The following FHIT variants were observed in gnomAD, a reference collection of about 807,000 sequenced individuals.
FHIT encodes the protein fragile histidine triad diadenosine triphosphatase.
Under a neutral mutation model 17.9 loss-of-function variants are expected in FHIT, and 19 were observed. The ratio of observed to expected loss-of-function variants is 1.06; its 90% confidence interval spans 0.74 to 1.56. FHIT has a LOEUF of 1.56. FHIT is among the 40% of genes most tolerant of loss of function. The pLI is 0.00. For synonymous variants in FHIT, 81 were observed against 69.7 expected, an observed-to-expected ratio of 1.16 and a Z score of -0.81; for missense variants, 248 against 189.2, an observed-to-expected ratio of 1.31 and a Z score of -1.82.
rs1186858766 is a variant in FHIT at position 60,171,205 on chromosome 3, T to A, written c.104-157053A>T. Among the ~76,000 whole-genome samples, 6 of 152,344 alleles carry A rather than the reference T, an allele frequency of 3.9e-5. No homozygotes were observed. In the South Asian group the frequency reaches 1.2e-3, roughly 32 times the overall value. Reference sequence around the variant, plus strand: ...GGGATGCTATTTTTTTTTAAATACCTTCTTTCCTTCAGCTAATGTAAAACA... The same window carrying A: ...GGGATGCTATTTTTTTTTAAATACCATCTTTCCTTCAGCTAATGTAAAACA... On this transcript the variant is annotated intron_variant, in intron 5 of 9. Coordinates refer to ENST00000492590, the MANE Select transcript of FHIT (RefSeq NM_002012.4).
intron 5 of FHIT, among the ~76,000 whole-genome samples, chr3:60,266,611 T>G (rs1208318753): frequency 6.6e-6 from 1 of 151,994 alleles, no homozygotes; most frequent in East Asian, 1.9e-4. Context: ...TAAGGAGGAG[T>G]TAGATCCTCA....
intron 7 of FHIT, among the ~76,000 whole-genome samples, chr3:59,975,809 C>T (rs1016586486): frequency 2.6e-5 from 4 of 152,002 alleles, no homozygotes; most frequent in Non-Finnish European, 5.9e-5. Flanking sequence ...GAACTGGCAA[C>T]GAACTGTAGT....
chr3:60,104,004 G>A (rs1044829204), intron 5 of FHIT, among the ~76,000 whole-genome samples: 4 of 152,038 alleles, frequency 2.6e-5, no homozygotes, highest in African/African-American at 7.2e-5. Context: ...TATCAGATAT[G>A]GGCTCATATT....
intron 5 of FHIT, among the ~76,000 whole-genome samples, chr3:60,159,494 G>A (rs1009324961): frequency 6.6e-6 from 1 of 152,074 alleles, no homozygotes; most frequent in Non-Finnish European, 1.5e-5. Context: ...TTTTCGTATG[G>A]TTTAAATTAA....
At chr3:60,306,753 G>T (rs1468001033) in intron 5 of FHIT, among the ~76,000 whole-genome samples, 1 of 152,084 alleles carries the variant, frequency 6.6e-6, no homozygotes, top group Non-Finnish European at 1.5e-5. Context: ...CACATTACAT[G>T]ATTTTACAAA....
chr3:59,853,093 C>T (rs1449563630), intron 8 of FHIT, among the ~76,000 whole-genome samples: 3 of 152,140 alleles, frequency 2.0e-5, no homozygotes, highest in African/African-American at 4.8e-5. Flanking sequence ...TGTAAGAAAT[C>T]GCCAAACTGT....
chr3:59,791,599 G>A (rs1699564391), intron 8 of FHIT, among the ~76,000 whole-genome samples: 2 of 152,118 alleles, frequency 1.3e-5, no homozygotes, highest in African/African-American at 4.8e-5. Flanking sequence ...CTTGCAAAGG[G>A]TCTCTAATTT....
chr3:59,924,184 G>A (rs958020572), intron 7 of FHIT, among the ~76,000 whole-genome samples: 18 of 152,126 alleles, frequency 1.2e-4, no homozygotes, highest in Admixed American at 1.0e-3. Context: ...GGAAAATAAC[G>A]TAGAACAAGG....
chr3:60,713,544 G>GA (rs1423082681), intron 4 of FHIT, among the ~76,000 whole-genome samples: 1 of 150,382 alleles, frequency 6.6e-6, no homozygotes, highest in Non-Finnish European at 1.5e-5. Flanking sequence ...GACTAATAAA[G>GA]AAAAAAAGAG....
At chr3:60,145,436 C>T (rs916488930) in intron 5 of FHIT, among the ~76,000 whole-genome samples, 2 of 152,102 alleles carry the variant, frequency 1.3e-5, no homozygotes, top group African/African-American at 4.8e-5. Context: ...AATTCAAACC[C>T]AGTGTATGCT....
chr3:61,189,228 G>A (rs1025340348), intron 2 of FHIT, among the ~76,000 whole-genome samples: 3 of 152,054 alleles, frequency 2.0e-5, no homozygotes, highest in Non-Finnish European at 2.9e-5. Context: ...AGGTAACTTC[G>A]GCTAAGTCTC....
intron 5 of FHIT, among the ~76,000 whole-genome samples, chr3:60,240,826 A>C (rs1705088728): frequency 6.6e-6 from 1 of 152,168 alleles, no homozygotes; most frequent in Non-Finnish European, 1.5e-5. Context: ...AGCAACCCTC[A>C]GATCCAAGAG....
intron 2 of FHIT, among the ~76,000 whole-genome samples, chr3:61,072,747 A>C (rs1242220855): frequency 1.3e-5 from 2 of 152,170 alleles, no homozygotes; most frequent in African/African-American, 4.8e-5. Flanking sequence ...ATCTGAAAGG[A>C]TCGTAAGTGA....
At chr3:60,698,968 C>A (rs1040291229) in intron 4 of FHIT, among the ~76,000 whole-genome samples, 9 of 152,114 alleles carry the variant, frequency 5.9e-5, no homozygotes, top group African/African-American at 7.2e-5. Context: ...AAGCGTATCA[C>A]AAAATTAGAT....
Position 59,808,653 on chromosome 3 carries a change from C to T in FHIT, c.349-56332G>A, listed in dbSNP as rs1428288267. ...CCTGAACATACAGCTTTCTGCTGAG[C>T]TGATCTGGAGTTTCAGTTGGCCGTT... On this transcript the variant is annotated intron_variant, in intron 8 of 9. Transcript: ENST00000492590. Among the ~76,000 whole-genome samples the T allele has an allele frequency of 3.9e-5, 6 of 152,316 alleles. No individual in the cohort carries two copies. The East Asian group carries it at 9.6e-4, about 24-fold the overall frequency.
chr3:59,888,151 T>G (rs1161420259), intron 8 of FHIT, among the ~76,000 whole-genome samples: 1 of 152,186 alleles, frequency 6.6e-6, no homozygotes, highest in Non-Finnish European at 1.5e-5. Context: ...AGGAGTATGC[T>G]TTCTTTAACA....
At chr3:59,875,596 T>C (rs971617647) in intron 8 of FHIT, among the ~76,000 whole-genome samples, 2 of 152,242 alleles carry the variant, frequency 1.3e-5, no homozygotes, top group Non-Finnish European at 2.9e-5. Context: ...CTAGATATCT[T>C]TGCTTACAAG....
intron 5 of FHIT, among the ~76,000 whole-genome samples, chr3:60,072,790 C>A (rs1212562801): frequency 1.3e-5 from 2 of 152,184 alleles, no homozygotes; most frequent in African/African-American, 4.8e-5. Flanking sequence ...GAAGCTAGCG[C>A]TTCATGGTAT....
In FHIT at chr3:61,097,342, T is replaced by C. The variant is rs535666364; in HGVS notation, c.-163-55243A>G. 2.0e-5 allele frequency among the ~76,000 whole-genome samples: 3 copies of C among 152,316 alleles called. No homozygotes were observed. The East Asian group carries it at 5.8e-4, about 29-fold the overall frequency. On this transcript the variant is annotated intron_variant, in intron 2 of 9. Coordinates refer to ENST00000492590, the MANE Select transcript of FHIT (RefSeq NM_002012.4). ...TGTACCACATGTTCTTTATCCAGTC[T>C]ATCATTGATGGACATTTAGATTGAT...
Sources: allele counts gnomAD v4.1 joint callset (sites outside exome capture counted in the v4.1 genomes callset), GRCh38; gene constraint gnomAD v4.1.1; transcripts MANE v1.5; gene names NCBI Gene and HGNC (gene_info 2026-07-23, HGNC 2026-07-21).